KMT2E: variants seen among roughly 807,000 people sequenced by gnomAD.
KMT2E encodes the protein histone reader KMT2E.
In KMT2E, 30 loss-of-function variants were observed where a neutral mutation model predicts 184.6. The ratio of observed to expected loss-of-function variants is 0.16; its 90% CI spans 0.12 to 0.22. KMT2E has a LOEUF of 0.22. Ranked by LOEUF, KMT2E falls within the 10% of genes least tolerant of loss-of-function variation. The pLI is 1.00. For synonymous variants in KMT2E, 815 were observed against 776.5 expected, an observed-to-expected ratio of 1.05 and a Z score of -0.82; for missense variants, 2,023 against 2,237.4, an observed-to-expected ratio of 0.90 and a Z score of 1.93.
At chr7:105,084,159 T>TA (rs1469287347) in intron 13 of KMT2E, among the ~76,000 whole-genome samples, 1 of 152,220 alleles carries the variant, frequency 6.6e-6, no homozygotes, top group African/African-American at 2.4e-5. Context: ...CAATGGTACT[T>TA]ATGCTGGATT....
Position 105,110,803 on chromosome 7 carries a change from A to G in KMT2E, c.4003A>G (p.Thr1335Ala), listed in dbSNP as rs916192903. 6.2e-7 allele frequency: 1 copy of G among 1,613,974 alleles called. No individual in the cohort carries two copies. The highest frequency in any genetic ancestry group is 8.5e-7 in the Non-Finnish European group (1 of 1,179,946). Residue 1335 changes from threonine (T) to alanine (A), a missense_variant, in exon 26 of 27, where the codon ACG (threonine) becomes GCG (alanine). Physicochemically the swap from Thr to Ala is moderately conservative, Grantham distance 58. Coordinates refer to ENST00000311117, the MANE Select transcript of KMT2E (RefSeq NM_182931.3). The part of the protein sequence containing the change: ...PDPENPEPTT[T>A]NECPSPDTSQ... ...TCCTGAAAATCCAGAACCCACAACT[A>G]CGAATGAATGTCCATCCCCAGATAC...
chr7:105,049,124 G>C (rs547846087), intron 3 of KMT2E, among the ~76,000 whole-genome samples: 26 of 152,238 alleles, frequency 1.7e-4, no homozygotes, highest in African/African-American at 6.3e-4. Context: ...TAGGGCCTAG[G>C]GGCCATAAGA....
At chr7:105,086,042 A>G (rs149365444) in intron 13 of KMT2E, among the ~76,000 whole-genome samples, 31 of 152,284 alleles carry the variant, frequency 2.0e-4, no homozygotes, top group African/African-American at 7.5e-4. Context: ...AATTTTGTAT[A>G]TTTTTAAACT....
intron 3 of KMT2E, 78 bp from the exon 4 acceptor site, chr7:105,062,086 A>T: frequency 1.1e-6 from 1 of 904,724 alleles, no homozygotes; most frequent in Non-Finnish European, 1.8e-6. Context: ...TGCTGTAAGT[A>T]CTTTATCATT....
In KMT2E at chr7:105,081,777, T is replaced by C; in HGVS notation, c.1338T>C (p.Phe446=). ...AGGGAACTGAAATTACTATTGCCTTTGATTTTGACTATGGAAATTGGTGAG... is the reference window on the plus strand; with the variant it reads ...AGGGAACTGAAATTACTATTGCCTTCGATTTTGACTATGGAAATTGGTGAG... ...IPKGTEITIA[F]DFDYGNCKYK... Residue 446 remains phenylalanine, a synonymous_variant, in exon 13 of 27, where the codon TTT becomes TTC. Coordinates refer to ENST00000311117, the MANE Select transcript of KMT2E (RefSeq NM_182931.3). 1 of 1,463,650 alleles carries C rather than the reference T, an allele frequency of 6.8e-7. No individual in the cohort carries two copies. The highest frequency in any genetic ancestry group is 9.5e-7 in the Non-Finnish European group (1 of 1,055,918). The allele number at this position is 1,463,650 out of a possible 1,614,324, so 90.7% of individuals were successfully genotyped here. A position where few individuals can be genotyped will look rare whatever the true frequency, so the allele number is the denominator to read the frequency against.
intron 3 of KMT2E, among the ~76,000 whole-genome samples, chr7:105,057,278 A>G (rs548875034): frequency 3.3e-5 from 5 of 152,348 alleles, no homozygotes; most frequent in African/African-American, 9.6e-5. Flanking sequence ...TAAATGTAAG[A>G]TAAAAATGCT....
intron 3 of KMT2E, among the ~76,000 whole-genome samples, chr7:105,047,906 C>A (rs1562890060): frequency 6.6e-6 from 1 of 152,174 alleles, no homozygotes; most frequent in Non-Finnish European, 1.5e-5. Context: ...ACTTTTAACC[C>A]TTCTCCTACC....
chr7:105,069,399 G>T (rs1285574558), intron 6 of KMT2E, among the ~76,000 whole-genome samples: 1 of 152,116 alleles, frequency 6.6e-6, no homozygotes, highest in Non-Finnish European at 1.5e-5. Context: ...TCCTACACAA[G>T]AATATAATAG....
intron 6 of KMT2E, among the ~76,000 whole-genome samples, chr7:105,067,091 G>GA (rs1797061725): frequency 7.6e-6 from 1 of 132,214 alleles, no homozygotes; most frequent in African/African-American, 2.8e-5. Flanking sequence ...AAAAGAAAAA[G>GA]AAAAAAGGAG....
intron 1 of KMT2E, among the ~76,000 whole-genome samples, chr7:105,030,486 A>C (rs953975324): frequency 6.6e-6 from 1 of 152,264 alleles, no homozygotes; most frequent in Non-Finnish European, 1.5e-5. Flanking sequence ...ATGGAACAAG[A>C]TAACCTGATA....
intron 13 of KMT2E, among the ~76,000 whole-genome samples, chr7:105,084,240 T>C (rs1399569833): frequency 6.6e-6 from 1 of 152,192 alleles, no homozygotes; most frequent in Non-Finnish European, 1.5e-5. Flanking sequence ...GCAATTCAAC[T>C]TCTTCTTGCA....
intron 13 of KMT2E, among the ~76,000 whole-genome samples, chr7:105,088,653 A>G (rs1389033176): frequency 6.6e-6 from 1 of 152,228 alleles, no homozygotes; most frequent in Non-Finnish European, 1.5e-5. Context: ...GAGTTGAGAA[A>G]TATTGAAATG....
intron 1 of KMT2E, among the ~76,000 whole-genome samples, chr7:105,016,139 T>G (rs1043542125): frequency 1.3e-5 from 2 of 152,238 alleles, no homozygotes; most frequent in Non-Finnish European, 1.5e-5. Context: ...AACCACCTCT[T>G]GACCCATTTT....
chr7:105,097,249 C>CATGTTA (rs759557338), intron 15 of KMT2E, among the ~76,000 whole-genome samples: 1 of 152,202 alleles, frequency 6.6e-6, no homozygotes, highest in Non-Finnish European at 1.5e-5. Flanking sequence ...TGTTATCCAA[C>CATGTTA]TCCCTGTTCT....
At chr7:105,074,391 A>G (rs533396021) in intron 7 of KMT2E, among the ~76,000 whole-genome samples, 4 of 152,302 alleles carry the variant, frequency 2.6e-5, no homozygotes, top group African/African-American at 9.6e-5. Flanking sequence ...CTCGTAGTGT[A>G]TGAGAGTGCT....
At chr7:105,096,868 C>G (rs950576229) in intron 15 of KMT2E, among the ~76,000 whole-genome samples, 5 of 152,158 alleles carry the variant, frequency 3.3e-5, no homozygotes, top group South Asian at 4.1e-4. Context: ...ATCAAGTATT[C>G]CACGCAAGTA....
chr7:105,074,531 G>T (rs930343980), intron 7 of KMT2E, 112 bp from the exon 8 acceptor site: 5 of 713,274 alleles, frequency 7.0e-6, no homozygotes, highest in East Asian at 3.1e-5. Flanking sequence ...GTTAAAAAAT[G>T]TGCTTATTTA....
At chr7:105,071,816 C>T (rs968654494) in intron 6 of KMT2E, among the ~76,000 whole-genome samples, 1 of 151,128 alleles carries the variant, frequency 6.6e-6, no homozygotes, top group Admixed American at 6.6e-5. Flanking sequence ...AGCCTCACAA[C>T]AGAGTGTTTG....
At chr7:105,033,826 A>G (rs1487498857) in intron 1 of KMT2E, among the ~76,000 whole-genome samples, 4 of 152,124 alleles carry the variant, frequency 2.6e-5, no homozygotes, top group Non-Finnish European at 5.9e-5. Context: ...ACTGCTCTGC[A>G]GGCTGGGAAG....
Sources: allele counts gnomAD v4.1 joint callset (sites outside exome capture counted in the v4.1 genomes callset), GRCh38; gene constraint gnomAD v4.1.1; transcripts MANE v1.5; gene names NCBI Gene and HGNC (gene_info 2026-07-23, HGNC 2026-07-21).